Variants in ASTN2 observed in about 807,000 individuals in gnomAD.
ASTN2 encodes the protein astrotactin 2.
A neutral mutation model predicts 139.8 loss-of-function variants in ASTN2; 54 were observed. The observed-to-expected ratio is 0.39, with a 90% CI of 0.31 to 0.48. ASTN2 has a LOEUF of 0.48. Among genes scored for constraint, ASTN2 ranks in the 20% least tolerant of loss-of-function variants. The pLI, the probability that ASTN2 is intolerant of heterozygous loss-of-function variation, is 0.95. For missense variants in ASTN2, 1,565 were observed against 1,725.1 expected (o/e 0.91, Z 1.64); for synonymous variants, 756 against 719.5 (o/e 1.05, Z -0.81).
intron 3 of ASTN2, among the ~76,000 whole-genome samples, chr9:117,199,087 T>C (rs1831611584): frequency 6.6e-6 from 1 of 152,238 alleles, no homozygotes; most frequent in Non-Finnish European, 1.5e-5. Flanking sequence ...AGGTTGCCTG[T>C]TCATTCTAAT....
intron 10 of ASTN2, among the ~76,000 whole-genome samples, chr9:116,921,698 C>T (rs970736388): frequency 1.3e-5 from 2 of 151,652 alleles, no homozygotes; most frequent in Non-Finnish European, 2.9e-5. Flanking sequence ...AACTTACAAT[C>T]GTGTTGGAAG....
At chr9:116,528,680 C>A (rs1037922335) in intron 19 of ASTN2, among the ~76,000 whole-genome samples, 3 of 152,180 alleles carry the variant, frequency 2.0e-5, no homozygotes, top group African/African-American at 7.2e-5. Flanking sequence ...TCATCACAAG[C>A]CTGGAGGCCT....
intron 20 of ASTN2, among the ~76,000 whole-genome samples, chr9:116,486,102 TA>T (rs1469796384): frequency 6.6e-6 from 1 of 152,258 alleles, no homozygotes; most frequent in African/African-American, 2.4e-5. Context: ...AAGAGACCTA[TA>T]GGGGTAAAGC....
intron 11 of ASTN2, among the ~76,000 whole-genome samples, chr9:116,847,007 CAAAAAAAA>C (rs11302692): frequency 7.9e-5 from 6 of 75,882 alleles, no homozygotes; most frequent in African/African-American, 2.0e-4. Context: ...GCTTCATTCT[CAAAAAAAA>C]AAAAAAAAAA....
chr9:117,199,609 G>A (rs532229898), intron 3 of ASTN2, among the ~76,000 whole-genome samples: 13 of 151,338 alleles, frequency 8.6e-5, no homozygotes, highest in Non-Finnish European at 1.5e-4. Flanking sequence ...GGCTACATGG[G>A]TTCTTCTTTG....
intron 10 of ASTN2, among the ~76,000 whole-genome samples, chr9:116,914,970 A>G (rs1000939544): frequency 3.3e-5 from 5 of 152,164 alleles, no homozygotes; most frequent in Admixed American, 6.5e-5. Context: ...CAACCTCCAG[A>G]TGCTGCCTTA....
At chr9:116,847,393 C>A (rs537679347) in intron 11 of ASTN2, among the ~76,000 whole-genome samples, 1 of 152,282 alleles carries the variant, frequency 6.6e-6, no homozygotes, top group East Asian at 1.9e-4. Flanking sequence ...GGATTACAGG[C>A]ATGAGCCACC....
chr9:116,684,744 C>CA (rs1464850316), intron 16 of ASTN2, among the ~76,000 whole-genome samples: 3 of 152,302 alleles, frequency 2.0e-5, no homozygotes, highest in Admixed American at 2.0e-4. Context: ...GAGCAATCGA[C>CA]AGCCTTTTCC....
At chr9:117,015,565 C>A (rs10739481) in intron 6 of ASTN2, among the ~76,000 whole-genome samples, 97,832 of 151,980 alleles carry the variant, frequency 0.64, 32,290 homozygotes, top group Middle Eastern at 0.78. Context: ...CATCCACTCC[C>A]CAGATACCAA....
intron 19 of ASTN2, among the ~76,000 whole-genome samples, chr9:116,548,694 G>A (rs571879414): frequency 9.2e-5 from 14 of 152,064 alleles, no homozygotes; most frequent in Admixed American, 2.0e-4. Context: ...GGTTGGTCTC[G>A]AACTCCTGAC....
intron 4 of ASTN2, among the ~76,000 whole-genome samples, chr9:117,129,473 G>A (rs1272012801): frequency 6.6e-6 from 1 of 152,076 alleles, no homozygotes; most frequent in Non-Finnish European, 1.5e-5. Context: ...GAGGTTATAA[G>A]ACATCAAGAT....
chr9:116,544,271 T>G (rs1051119923), intron 19 of ASTN2, among the ~76,000 whole-genome samples: 7 of 152,014 alleles, frequency 4.6e-5, no homozygotes, highest in Non-Finnish European at 7.4e-5. Flanking sequence ...CCCCAGATAT[T>G]TGGGGGAGGA....
chr9:117,079,825 C>T (rs1177624496), intron 5 of ASTN2, among the ~76,000 whole-genome samples: 2 of 152,258 alleles, frequency 1.3e-5, no homozygotes, highest in Admixed American at 6.5e-5. Context: ...ACACAGTCTC[C>T]TCCTGTATAA....
At chr9:116,642,178 G>A (rs1857375219) in intron 17 of ASTN2, among the ~76,000 whole-genome samples, 1 of 134,260 alleles carries the variant, frequency 7.4e-6, no homozygotes, top group Non-Finnish European at 1.5e-5. Flanking sequence ...GAAGAGACAA[G>A]GAAACTCCAT....
At chr9:116,624,288 G>A (rs945710253) in intron 17 of ASTN2, among the ~76,000 whole-genome samples, 7 of 152,160 alleles carry the variant, frequency 4.6e-5, no homozygotes, top group Non-Finnish European at 8.8e-5. Flanking sequence ...GGGGGTAGAA[G>A]ATATGTTTTC....
intron 2 of ASTN2, among the ~76,000 whole-genome samples, chr9:117,217,575 G>A (rs926013261): frequency 6.6e-6 from 1 of 152,158 alleles, no homozygotes; most frequent in Non-Finnish European, 1.5e-5. Context: ...AGGTTCTACT[G>A]CTTAGACACT....
At chr9:116,539,791 T>C (rs931234821) in intron 19 of ASTN2, among the ~76,000 whole-genome samples, 8 of 152,210 alleles carry the variant, frequency 5.3e-5, no homozygotes, top group Admixed American at 6.5e-5. Context: ...TTATGAATTG[T>C]TTACTTCTGG....
At chr9:117,040,350 C>T (rs1367205661) in intron 5 of ASTN2, among the ~76,000 whole-genome samples, 3 of 152,208 alleles carry the variant, frequency 2.0e-5, no homozygotes, top group African/African-American at 7.2e-5. Context: ...TCAGTAGAGT[C>T]TAGTGAAATA....
At chr9:116,946,618 G>A (rs1002856006) in intron 10 of ASTN2, among the ~76,000 whole-genome samples, 2 of 152,146 alleles carry the variant, frequency 1.3e-5, no homozygotes, top group Admixed American at 1.3e-4. Flanking sequence ...AAAATCCAAT[G>A]AGCATGCTGG....
Sources: allele counts gnomAD v4.1 joint callset (sites outside exome capture counted in the v4.1 genomes callset), GRCh38; gene constraint gnomAD v4.1.1; transcripts MANE v1.5; gene names NCBI Gene and HGNC (gene_info 2026-07-23, HGNC 2026-07-21).